The following ANXA8 variants were observed in gnomAD, a reference collection of about 807,000 sequenced individuals.
ANXA8 encodes the protein annexin A8.
In ANXA8, 9 loss-of-function variants were observed where a neutral mutation model predicts 26.8. The observed-to-expected ratio is 0.34, with a 90% confidence interval of 0.20 to 0.59. ANXA8 has a LOEUF of 0.59. Among genes scored for constraint, ANXA8 ranks in the 20% least tolerant of loss-of-function variants. The pLI is 0.84. For synonymous variants in ANXA8, 39 were observed against 94.8 expected (o/e 0.41, Z 3.42); for missense variants, 83 against 238.5 (o/e 0.35, Z 4.29).
At chr10:47,744,423 T>TGGGGGAAGGGGGGGGG in the ANXA8 span, among the ~76,000 whole-genome samples, 3 of 6,440 alleles carry the variant, frequency 4.7e-4, no homozygotes, top group Non-Finnish European at 8.0e-4. Context: ...GGGGGGGGGT[T>TGGGGGAAGGGGGGGGG]GGGGGGGAGG....
the ANXA8 span, among the ~76,000 whole-genome samples, chr10:47,921,528 T>C: frequency 1.3e-5 from 2 of 150,824 alleles, no homozygotes; most frequent in Non-Finnish European, 3.0e-5. Flanking sequence ...AACAGCCTCA[T>C]CCTGAGGCCG....
chr10:47,650,572 C>T, the ANXA8 span, among the ~76,000 whole-genome samples: 1 of 147,766 alleles, frequency 6.8e-6, no homozygotes, highest in South Asian at 2.1e-4. Flanking sequence ...TTTGGGAGGC[C>T]AAGGTGGGCG....
chr10:47,957,597 G>GT, the ANXA8 span, among the ~76,000 whole-genome samples: 1 of 149,702 alleles, frequency 6.7e-6, no homozygotes, highest in Non-Finnish European at 1.5e-5. Flanking sequence ...TAGGGCTGCC[G>GT]TAACAAATTG....
chr10:47,985,212 T>C, the ANXA8 span, among the ~76,000 whole-genome samples: 1 of 149,444 alleles, frequency 6.7e-6, no homozygotes, highest in South Asian at 2.1e-4. Context: ...GGAAATATAC[T>C]TAACATCATT....
the ANXA8 span, among the ~76,000 whole-genome samples, chr10:47,529,099 T>A: frequency 6.9e-6 from 1 of 144,660 alleles, no homozygotes; most frequent in Non-Finnish European, 1.5e-5. Flanking sequence ...GAAAAGAAAC[T>A]AACATGCTAT....
the ANXA8 span, among the ~76,000 whole-genome samples, chr10:47,552,557 T>C: frequency 1.3e-5 from 2 of 152,096 alleles, no homozygotes; most frequent in Admixed American, 1.3e-4. Context: ...ATTTGAAAAA[T>C]AGCAATATCT....
At chr10:47,483,149 T>G (rs1296788981) in intron 1 of ANXA8, among the ~76,000 whole-genome samples, 2 of 151,536 alleles carry the variant, frequency 1.3e-5, no homozygotes. Flanking sequence ...ACCCATCAGT[T>G]CTGCTGGGGA....
the ANXA8 span, among the ~76,000 whole-genome samples, chr10:47,989,788 C>A: frequency 3.2e-5 from 3 of 92,526 alleles, no homozygotes; most frequent in Non-Finnish European, 8.1e-5. Context: ...GGGTTTGTCT[C>A]TATGAGAGAC....
chr10:47,562,236 A>C, the ANXA8 span, among the ~76,000 whole-genome samples: 1 of 150,962 alleles, frequency 6.6e-6, no homozygotes, highest in African/African-American at 2.5e-5. Context: ...ACATATAAAA[A>C]AGCTAGCTTT....
At chr10:47,468,938 G>A in intron 11 of ANXA8, 32 bp from the exon 12 acceptor site, 12 of 1,608,372 alleles carry the variant, frequency 7.5e-6, no homozygotes, top group Non-Finnish European at 1.0e-5. Context: ...GCGTGAGAAG[G>A]GGTTTGCTTG....
chr10:47,568,018 A>G, the ANXA8 span: 30 of 748,626 alleles, frequency 4.0e-5, no homozygotes, highest in Admixed American at 4.6e-4. Context: ...CGTAAGTATG[A>G]AAGTTTTTGT....
chr10:47,711,153 T>C, the ANXA8 span, among the ~76,000 whole-genome samples: 1 of 143,338 alleles, frequency 7.0e-6, no homozygotes, highest in Non-Finnish European at 1.5e-5. Context: ...AATTACAGTT[T>C]CATATTTTTA....
At chr10:47,693,467 T>C in the ANXA8 span, among the ~76,000 whole-genome samples, 553 of 151,480 alleles carry the variant, frequency 3.7e-3, 8 homozygotes, top group Non-Finnish European at 5.8e-3. Context: ...TTTTTTTGTA[T>C]TTTTAGTAGA....
the ANXA8 span, among the ~76,000 whole-genome samples, chr10:47,949,892 T>A: frequency 1.3e-5 from 2 of 150,424 alleles, 1 homozygote; most frequent in East Asian, 4.1e-4. Context: ...AATGGTAGAT[T>A]TATACCCAAC....
At chr10:47,948,267 CAG>C in the ANXA8 span, among the ~76,000 whole-genome samples, 2 of 120,804 alleles carry the variant, frequency 1.7e-5, no homozygotes, top group Non-Finnish European at 3.3e-5. Context: ...TAAAGATGCA[CAG>C]AAGTGCAACT....
chr10:47,514,257 T>C, the ANXA8 span, among the ~76,000 whole-genome samples: 1 of 150,068 alleles, frequency 6.7e-6, no homozygotes, highest in South Asian at 2.1e-4. Context: ...ACATATTATA[T>C]ATATATATAT....
At chr10:47,620,051 C>T in the ANXA8 span, among the ~76,000 whole-genome samples, 1 of 108,568 alleles carries the variant, frequency 9.2e-6, no homozygotes, top group Non-Finnish European at 2.0e-5. Context: ...AGAAAAGTTG[C>T]CATGGGATGG....
At chr10:47,743,295 CACAT>C in the ANXA8 span, among the ~76,000 whole-genome samples, 11,045 of 67,510 alleles carry the variant, frequency 0.16, 689 homozygotes, top group African/African-American at 0.23. Context: ...TATATATATA[CACAT>C]ATATATATAT....
the ANXA8 span, among the ~76,000 whole-genome samples, chr10:47,686,052 C>CT: frequency 1.3e-5 from 2 of 150,842 alleles, no homozygotes; most frequent in Non-Finnish European, 2.9e-5. Context: ...TATTATATGA[C>CT]TTTTTTTCTG....
Sources: allele counts gnomAD v4.1 joint callset (sites outside exome capture counted in the v4.1 genomes callset), GRCh38; gene constraint gnomAD v4.1.1; transcripts MANE v1.5; gene names NCBI Gene and HGNC (gene_info 2026-07-23, HGNC 2026-07-21).